Variants in OTOGL observed in about 807,000 individuals in gnomAD.
The protein encoded by OTOGL is otogelin-like protein.
A neutral mutation model predicts 318.5 loss-of-function variants in OTOGL; 285 were observed. The ratio of observed to expected loss-of-function variants is 0.89; its 90% CI spans 0.81 to 0.99. The LOEUF is 0.99. OTOGL is among the 50% of genes least tolerant of loss of function. OTOGL has a pLI of 0.00. For synonymous variants in OTOGL, 987 were observed against 936.5 expected, an observed-to-expected ratio of 1.05 and a Z score of -0.99; for missense variants, 2,899 against 2,845.6, an observed-to-expected ratio of 1.02 and a Z score of -0.43.
At chr12:80,175,697 C>T (rs1874481760) in intron 1 of OTOGL, among the ~76,000 whole-genome samples, 1 of 152,108 alleles carries the variant, frequency 6.6e-6, no homozygotes, top group Non-Finnish European at 1.5e-5. Context: ...CAACTCTATG[C>T]ACTTCAGGTG....
chr12:80,353,206 T>C (rs1473278242), intron 45 of OTOGL, 119 bp from the exon 46 acceptor site: 14 of 746,400 alleles, frequency 1.9e-5, no homozygotes, highest in Non-Finnish European at 2.5e-5. Context: ...AAATGGACTT[T>C]GAAGAGACTA....
chr12:80,108,864 ATATATGTG>A (rs1296593074), intron 1 of OTOGL, among the ~76,000 whole-genome samples: 1 of 141,376 alleles, frequency 7.1e-6, no homozygotes, highest in East Asian at 2.0e-4. Context: ...ATATGTGTAT[ATATATGTG>A]TATATATGTG....
chr12:80,233,180 G>C, intron 9 of OTOGL, 83 bp downstream of exon 9: 1 of 1,285,374 alleles, frequency 7.8e-7, no homozygotes, highest in Middle Eastern at 2.1e-4. Context: ...CAGAAGACTT[G>C]TCATAGCTTT....
chr12:80,248,838 A>G (rs1881178845), intron 11 of OTOGL, among the ~76,000 whole-genome samples: 2 of 149,284 alleles, frequency 1.3e-5, no homozygotes, highest in Non-Finnish European at 3.0e-5. Flanking sequence ...ACATAGTCCC[A>G]TATTTCTTGG....
intron 1 of OTOGL, among the ~76,000 whole-genome samples, chr12:80,165,492 T>G (rs1873774595): frequency 1.3e-5 from 2 of 152,216 alleles, no homozygotes; most frequent in Non-Finnish European, 2.9e-5. Flanking sequence ...TCCACCCACC[T>G]GCAGTAATTT....
At chr12:80,319,224 A>G (rs1887169926) in intron 33 of OTOGL, among the ~76,000 whole-genome samples, 1 of 152,004 alleles carries the variant, frequency 6.6e-6, no homozygotes, top group Non-Finnish European at 1.5e-5. Flanking sequence ...CTAGCTCTAC[A>G]TTTACTGGTT....
intron 1 of OTOGL, among the ~76,000 whole-genome samples, chr12:80,162,832 G>A (rs537976553): frequency 6.6e-6 from 1 of 151,686 alleles, no homozygotes; most frequent in African/African-American, 2.4e-5. Context: ...TTTTTCTTGT[G>A]GGGGGTGGGG....
At chr12:80,236,791 G>C (rs550933220) in intron 9 of OTOGL, among the ~76,000 whole-genome samples, 6 of 147,626 alleles carry the variant, frequency 4.1e-5, no homozygotes, top group Non-Finnish European at 9.0e-5. Context: ...TTTTGTTTTT[G>C]TTTTTCTTTT....
chr12:80,176,200 T>C (rs6539494), intron 1 of OTOGL, among the ~76,000 whole-genome samples: 75,531 of 152,048 alleles, frequency 0.5, 19,470 homozygotes, highest in African/African-American at 0.63. Flanking sequence ...TTCACGTATA[T>C]GATACTTTCT....
chr12:80,108,936 GTATA>G (rs199972356), intron 1 of OTOGL, among the ~76,000 whole-genome samples: 2 of 128,236 alleles, frequency 1.6e-5, no homozygotes, highest in Non-Finnish European at 3.2e-5. Flanking sequence ...ATATGTGTGT[GTATA>G]TATATATATA....
At chr12:80,377,346 A>G (rs1220526384) in intron 58 of OTOGL, 144 bp downstream of exon 58, 1 of 579,058 alleles carries the variant, frequency 1.7e-6, no homozygotes, top group Non-Finnish European at 3.0e-6. Context: ...TAATGTTGCA[A>G]TATTCTGTTT....
At chr12:80,227,141 T>C (rs1878933252) in intron 7 of OTOGL, among the ~76,000 whole-genome samples, 1 of 152,158 alleles carries the variant, frequency 6.6e-6, no homozygotes, top group African/African-American at 2.4e-5. Context: ...TTCTTGCCTA[T>C]TTTCCACTTT....
rs1050648313 is a variant in OTOGL, at chr12:80,365,177, A to G, written c.6268-1397A>G. ...ATATGTACTGATGAGAAATGAAAACATATGTCCACATAAAAACTTATACTC... is the reference window on the plus strand; with the variant it reads ...ATATGTACTGATGAGAAATGAAAACGTATGTCCACATAAAAACTTATACTC... On this transcript the variant is annotated intron_variant, in intron 52 of 58. Transcript: ENST00000547103. 6.6e-5 allele frequency among the ~76,000 whole-genome samples: 10 copies of G among 152,092 alleles called. No homozygotes were observed. In the East Asian group the frequency reaches 1.5e-3, roughly 23 times the overall value.
intron 24 of OTOGL, among the ~76,000 whole-genome samples, chr12:80,276,824 T>C (rs552078708): frequency 9.6e-4 from 145 of 151,714 alleles, no homozygotes; most frequent in Non-Finnish European, 1.9e-3. Context: ...AACAAGATAT[T>C]TATGGTCCTC....
Position 80,267,315 on chromosome 12 carries a change from C to A in OTOGL, c.2453C>A (p.Pro818His), listed in dbSNP as rs370972432. The A allele has an allele frequency of 2.8e-5, 43 of 1,527,782 alleles. No individual in the cohort carries two copies. Among genetic ancestry groups the A allele is most frequent in the Non-Finnish European group, 3.8e-5 (42 of 1,116,264 alleles). 94.6% of individuals were successfully genotyped at this position (1,527,782 alleles called of 1,614,324 possible). ...VYQPGELIPT[P>H]SGLCQCSNGT... ...CAACCTGGAGAGCTCATCCCCACAC[C>A]CTCGGGCTTATGGTAGGTTTCAATG... The change falls in exon 22 of 59, where the codon CCC (proline) becomes CAC (histidine). Residue 818 changes from proline to histidine, a missense_variant. By Grantham distance (77) the Pro-to-His change is moderately conservative (BLOSUM62 -2). This residue lies in a region of OTOGL where 2,607 missense variants were observed against 2,524.9 expected (regional missense o/e 1.03). Transcript: ENST00000547103.
intron 29 of OTOGL, among the ~76,000 whole-genome samples, chr12:80,308,384 G>A (rs2137774551): frequency 6.6e-6 from 1 of 151,988 alleles, no homozygotes; most frequent in African/African-American, 2.4e-5. Flanking sequence ...GCAGGGCAGA[G>A]GTGCTCCCCA....
chr12:80,190,353 T>C (rs1875586190), intron 1 of OTOGL, among the ~76,000 whole-genome samples: 1 of 152,224 alleles, frequency 6.6e-6, no homozygotes. Flanking sequence ...AACAAAATAA[T>C]TAAAGCTGAG....
At chr12:80,162,277 G>T (rs1358657797) in intron 1 of OTOGL, among the ~76,000 whole-genome samples, 2 of 152,112 alleles carry the variant, frequency 1.3e-5, no homozygotes, top group African/African-American at 2.4e-5. Context: ...CATCGAAATT[G>T]CAGTATCATA....
chr12:80,147,957 G>A (rs1383579139), intron 1 of OTOGL, among the ~76,000 whole-genome samples: 23 of 152,190 alleles, frequency 1.5e-4, no homozygotes, highest in South Asian at 6.2e-4. Context: ...GTCTCTGCAC[G>A]TGAGATGGGT....
Sources: gnomAD v4.1 joint callset for allele counts (sites outside exome capture counted in the v4.1 genomes callset) on GRCh38, gnomAD v4.1.1 for gene constraint, gnomAD v4.1.1 regional missense constraint, MANE v1.5 for transcripts, NCBI Gene and HGNC (gene_info 2026-07-23, HGNC 2026-07-21) for gene names.